The following SMC2 variants were observed in gnomAD, a reference collection of about 807,000 sequenced individuals.
The protein encoded by SMC2 is structural maintenance of chromosomes 2, also known as structural maintenance of chromosomes protein 2.
SMC2 carries 41 observed loss-of-function variants against 142.6 expected under a neutral mutation model. The ratio of observed to expected loss-of-function variants is 0.29; its 90% CI spans 0.22 to 0.37. The LOEUF (loss-of-function observed/expected upper bound fraction) is 0.37. Among genes scored for constraint, SMC2 ranks in the 10% least tolerant of loss-of-function variants. The pLI, the probability that SMC2 is intolerant of heterozygous loss-of-function variation, is 1.00. For synonymous variants in SMC2, 463 were observed against 457.5 expected, an observed-to-expected ratio of 1.01 and a Z score of -0.15; for missense variants, 1,265 against 1,373.7, an observed-to-expected ratio of 0.92 and a Z score of 1.25.
chr9:104,136,792 C>T (rs954351439), intron 23 of SMC2, among the ~76,000 whole-genome samples: 8 of 133,116 alleles, frequency 6.0e-5, no homozygotes, highest in East Asian at 2.2e-4. Flanking sequence ...TTTTTCTCTA[C>T]TTGTGCACAC....
intron 14 of SMC2, 76 bp downstream of exon 14, chr9:104,116,395 A>G: frequency 2.2e-6 from 3 of 1,384,124 alleles, no homozygotes; most frequent in Non-Finnish European, 2.9e-6. Flanking sequence ...ATTAATTTTG[A>G]GGGACATAAT....
At chr9:104,126,895 G>GTGAAA in intron 19 of SMC2, 111 bp downstream of exon 19, 1 of 1,085,296 alleles carries the variant, frequency 9.2e-7, no homozygotes, top group Non-Finnish European at 1.3e-6. Context: ...GTCATCATGA[G>GTGAAA]AGAATGAGGC....
intron 9 of SMC2, among the ~76,000 whole-genome samples, chr9:104,110,869 G>A (rs546966533): frequency 1.3e-5 from 2 of 152,238 alleles, no homozygotes; most frequent in East Asian, 3.9e-4. Context: ...CCCCAACCTT[G>A]TTTTGTTTGA....
chr9:104,116,354 C>T, intron 14 of SMC2, 35 bp downstream of exon 14: 5 of 1,555,446 alleles, frequency 3.2e-6, no homozygotes, highest in Non-Finnish European at 3.5e-6. Flanking sequence ...TATGTTTAAT[C>T]GTCATCTGTG....
At chr9:104,125,612 AT>A (rs748058865) in intron 18 of SMC2, among the ~76,000 whole-genome samples, 3 of 152,144 alleles carry the variant, frequency 2.0e-5, no homozygotes, top group Non-Finnish European at 2.9e-5. Flanking sequence ...GGAGTGGATT[AT>A]TTGATATTCT....
At chr9:104,095,785 G>A (rs1830386918) in intron 2 of SMC2, among the ~76,000 whole-genome samples, 1 of 152,198 alleles carries the variant, frequency 6.6e-6, no homozygotes, top group African/African-American at 2.4e-5. Context: ...CTGTAAAGCA[G>A]TCTCATTCCA....
At chr9:104,124,385 C>G (rs753774008) in intron 17 of SMC2, among the ~76,000 whole-genome samples, 1 of 152,098 alleles carries the variant, frequency 6.6e-6, no homozygotes, top group Non-Finnish European at 1.5e-5. Context: ...CCACGCCTGA[C>G]CTTATTTTTT....
At chr9:104,133,446 G>A (rs1835202109) in intron 22 of SMC2, among the ~76,000 whole-genome samples, 1 of 152,100 alleles carries the variant, frequency 6.6e-6, no homozygotes, top group Admixed American at 6.6e-5. Flanking sequence ...ATCACTGCTT[G>A]TGTCTATGAG....
In SMC2 at chr9:104,134,502, G is replaced by A. The variant is rs759373262; in HGVS notation, c.3196G>A (p.Asp1066Asn). The A allele has an allele frequency of 7.4e-6, 12 of 1,612,744 alleles. No individual in the cohort carries two copies. Among genetic ancestry groups the A allele is most frequent in the Non-Finnish European group, 8.5e-6 (10 of 1,179,238 alleles). Reference sequence around the variant, plus strand: ...ACCACCAGAGGGTCAAACTGTTTTGGATGGTCTGGAGTTCAAGGTTGCCTT... The same window carrying A: ...ACCACCAGAGGGTCAAACTGTTTTGAATGGTCTGGAGTTCAAGGTTGCCTT... ...LAPPEGQTVL[D>N]GLEFKVALGN... is the part of the protein sequence containing the mutation. Residue 1066 changes from aspartate to asparagine, a missense_variant, in exon 23 of 25, where the codon GAT (aspartate) becomes AAT (asparagine). Transcript: ENST00000374793.
Position 104,114,767 on chromosome 9 carries a change from G to A in SMC2, c.1609G>A (p.Ala537Thr). The A allele has an allele frequency of 1.2e-6, 2 of 1,612,916 alleles. No individual in the cohort carries two copies. The highest frequency in any genetic ancestry group is 1.7e-6 in the Non-Finnish European group (2 of 1,179,092). Residue 537 changes from alanine to threonine, a missense_variant, in exon 13 of 25, where the codon GCA (alanine) becomes ACA (threonine). By Grantham distance (58) the Ala-to-Thr change is moderately conservative. Coordinates refer to ENST00000374793, the MANE Select transcript of SMC2 (RefSeq NM_006444.3). Reference sequence around the variant, plus strand: ...TCTGATTAGTGTGAAAGACACTTCTGCAACCACAGCTTTAGAATTAGTGGC... The same window carrying A: ...TCTGATTAGTGTGAAAGACACTTCTACAACCACAGCTTTAGAATTAGTGGC... ...ASLISVKDTSATTALELVAGE... is the reference protein window; with the variant it reads ...ASLISVKDTSTTTALELVAGE...
At chr9:104,095,735 T>G (rs1169408081) in intron 2 of SMC2, among the ~76,000 whole-genome samples, 183 bp downstream of exon 2, 2 of 152,278 alleles carry the variant, frequency 1.3e-5, no homozygotes, top group East Asian at 3.9e-4. Flanking sequence ...AACTTAGAGA[T>G]GTTTAGAAGT....
intron 22 of SMC2, among the ~76,000 whole-genome samples, chr9:104,132,453 C>T (rs1473876156): frequency 6.6e-6 from 1 of 152,104 alleles, no homozygotes; most frequent in Non-Finnish European, 1.5e-5. Context: ...TTTACTGTTA[C>T]TTCTACTTCC....
rs200691232 is a variant in SMC2 at position 104,116,160 on chromosome 9, T to C, written c.1672-40T>C. The C allele has an allele frequency of 3.1e-5, 48 of 1,546,586 alleles. No individual in the cohort carries two copies. In the East Asian group the frequency reaches 1.1e-3, roughly 35 times the overall value. ...CTTGCATTCTCTCAATTTTCTGTCA[T>C]TTTTAACATGCGTTTTTTAAATTCA... On this transcript the variant is annotated intron_variant, in intron 13 of 24. Coordinates refer to ENST00000374793, the MANE Select transcript of SMC2 (RefSeq NM_006444.3).
rs756038432 is a variant in SMC2 at position 104,129,668 on chromosome 9, T to C, written c.2814T>C (p.Tyr938=). 6.2e-7 allele frequency: 1 copy of C among 1,613,990 alleles called. No homozygotes were observed. Among genetic ancestry groups the C allele is most frequent in the Admixed American group, 1.7e-5 (1 of 60,012 alleles). ...AAKVSKMLKD[Y]DWINAERHLF... is the part of the protein sequence containing the mutation. The stretch of plus-strand genomic sequence containing the variant: ...AGGTATCCAAAATGTTGAAAGATTA[T>C]GACTGGATTAATGCAGAGAGACACC... Residue 938 remains tyrosine (Y), a synonymous_variant, in exon 21 of 25, where the codon TAT becomes TAC. Coordinates refer to ENST00000374793, the MANE Select transcript of SMC2 (RefSeq NM_006444.3).
chr9:104,121,495 C>CA (rs11286698), intron 16 of SMC2, among the ~76,000 whole-genome samples: 536 of 149,504 alleles, frequency 3.6e-3, no homozygotes, highest in Non-Finnish European at 5.5e-3. Flanking sequence ...GACCCTTTCT[C>CA]AAAAAAAAAG....
At chr9:104,124,863 A>T (rs777334560) in intron 17 of SMC2, 49 bp from the exon 18 acceptor site, 8 of 1,432,564 alleles carry the variant, frequency 5.6e-6, no homozygotes, top group Non-Finnish European at 7.6e-6. Context: ...TGAATTTGTC[A>T]ACCTTTACCA....
At chr9:104,129,056 T>A (rs1191057734) in intron 20 of SMC2, among the ~76,000 whole-genome samples, 2 of 152,164 alleles carry the variant, frequency 1.3e-5, no homozygotes, top group East Asian at 3.9e-4. Flanking sequence ...ATGGAGGTGC[T>A]TTGCGTATAC....
chr9:104,106,458 G>A (rs1449783983), intron 9 of SMC2, among the ~76,000 whole-genome samples: 2 of 151,730 alleles, frequency 1.3e-5, no homozygotes, highest in African/African-American at 2.4e-5. Context: ...GCGCAATTTC[G>A]GCTCACTACA....
chr9:104,094,026 A>T (rs1383265426), upstream of SMC2, among the ~76,000 whole-genome samples: 1 of 152,264 alleles, frequency 6.6e-6, no homozygotes, highest in South Asian at 2.1e-4. Context: ...AGAGGGACCG[A>T]GGCGGGGCGG....
Sources: allele counts gnomAD v4.1 joint callset (sites outside exome capture counted in the v4.1 genomes callset), GRCh38; gene constraint gnomAD v4.1.1; transcripts MANE v1.5; gene names NCBI Gene and HGNC (gene_info 2026-07-23, HGNC 2026-07-21).